ATP9B: variants seen among roughly 807,000 people sequenced by gnomAD.
The protein encoded by ATP9B is probable phospholipid-transporting ATPase IIB.
A neutral mutation model predicts 146.1 loss-of-function variants in ATP9B; 110 were observed. The observed-to-expected ratio is 0.75, with a 90% CI of 0.65 to 0.88. ATP9B has a LOEUF of 0.88. ATP9B is among the 40% of genes least tolerant of loss of function. The probability of loss-of-function intolerance (pLI) is 0.00; values close to 1 mark genes in which losing one functional copy is unlikely to be tolerated. For missense variants in ATP9B, 1,499 were observed against 1,496.4 expected (o/e 1.00, Z -0.03); for synonymous variants, 604 against 569.7 (o/e 1.06, Z -0.86).
intron 1 of ATP9B, chr18:79,086,017 A>G (rs912001940): frequency 2.0e-5 from 3 of 147,364 alleles, no homozygotes; most frequent in African/African-American, 7.5e-5. Context: ...ATGTTTCACA[A>G]TTGAAAAGCC....
At chr18:79,362,503 A>C (rs2096995931) in intron 26 of ATP9B, 1 of 152,228 alleles carries the variant, frequency 6.6e-6, no homozygotes, top group Non-Finnish European at 1.5e-5. Context: ...TGAAGCTCAA[A>C]TTCTGCTTTG....
Position 79,319,750 on chromosome 18 carries a change from G to T in ATP9B, c.1774-9391G>T, listed in dbSNP as rs534384375. The stretch of plus-strand genomic sequence containing the variant: ...CTAGTTCCTCGGGATTAAACTGATT[G>T]TAGAGGTGATGCATGTATGTGATTC... On this transcript the variant is annotated intron_variant, in intron 15 of 29. Coordinates refer to ENST00000426216, the MANE Select transcript of ATP9B (RefSeq NM_198531.5). Among the ~76,000 whole-genome samples, 28 of 152,328 alleles carry T rather than the reference G, an allele frequency of 1.8e-4. 1 individual carries two copies. In the South Asian group the frequency reaches 5.8e-3, roughly 32 times the overall value.
chr18:79,185,391 C>A (rs1200178725), intron 8 of ATP9B, among the ~76,000 whole-genome samples: 1 of 151,980 alleles, frequency 6.6e-6, no homozygotes, highest in East Asian at 1.9e-4. Flanking sequence ...CATATAAATT[C>A]AAAAATATGT....
chr18:79,140,100 GC>G (rs1477432584), intron 5 of ATP9B, among the ~76,000 whole-genome samples: 2 of 152,076 alleles, frequency 1.3e-5, no homozygotes, highest in East Asian at 3.9e-4. Context: ...GGTTAGACTT[GC>G]TGTGTCATTA....
chr18:79,350,986 G>T (rs1475475882), intron 25 of ATP9B, among the ~76,000 whole-genome samples: 2 of 152,006 alleles, frequency 1.3e-5, no homozygotes, highest in Non-Finnish European at 2.9e-5. Context: ...GACCAGGGTG[G>T]TCTCGAACTC....
intron 13 of ATP9B, among the ~76,000 whole-genome samples, chr18:79,290,331 TC>T (rs953009749): frequency 1.4e-4 from 21 of 152,162 alleles, no homozygotes; most frequent in African/African-American, 4.3e-4. Context: ...CGGGCGCCCC[TC>T]CCCCAGCCTT....
intron 5 of ATP9B, among the ~76,000 whole-genome samples, chr18:79,127,257 T>C (rs1210346179): frequency 2.0e-5 from 3 of 152,222 alleles, no homozygotes; most frequent in African/African-American, 7.2e-5. Flanking sequence ...GGTGTATTCA[T>C]AAAGTTGTGC....
intron 9 of ATP9B, among the ~76,000 whole-genome samples, chr18:79,195,402 A>G (rs1487921892): frequency 2.0e-5 from 3 of 152,200 alleles, no homozygotes; most frequent in South Asian, 2.1e-4. Flanking sequence ...CATGAGAGCC[A>G]TCGTGCCTGG....
intron 7 of ATP9B, among the ~76,000 whole-genome samples, chr18:79,158,589 G>A (rs2094831057): frequency 6.6e-6 from 1 of 152,026 alleles, no homozygotes; most frequent in Non-Finnish European, 1.5e-5. Context: ...CACCTTATCT[G>A]GCCTGATTCA....
At chr18:79,234,668 C>G (rs114899271) in intron 11 of ATP9B, among the ~76,000 whole-genome samples, 1 of 145,318 alleles carries the variant, frequency 6.9e-6, no homozygotes, top group African/African-American at 2.7e-5. Flanking sequence ...TGGGTGTGCT[C>G]CTGTGGGTGT....
intron 9 of ATP9B, among the ~76,000 whole-genome samples, chr18:79,204,163 A>G (rs963005262): frequency 1.3e-5 from 2 of 152,240 alleles, no homozygotes; most frequent in African/African-American, 4.8e-5. Flanking sequence ...AACAAAGTAA[A>G]CAAAAGGCAG....
At chr18:79,193,924 A>G (rs1460680120) in intron 9 of ATP9B, among the ~76,000 whole-genome samples, 1 of 152,224 alleles carries the variant, frequency 6.6e-6, no homozygotes, top group Non-Finnish European at 1.5e-5. Context: ...GGGATTGGCA[A>G]GCAGTTGTCA....
At chr18:79,183,065 C>G (rs1165918354) in intron 8 of ATP9B, among the ~76,000 whole-genome samples, 1 of 152,152 alleles carries the variant, frequency 6.6e-6, no homozygotes, top group African/African-American at 2.4e-5. Flanking sequence ...CTTCCCCTAG[C>G]CACATTCTTG....
At chr18:79,157,404 A>AAAAAAAAAAAAAC (rs1568296935) in intron 7 of ATP9B, among the ~76,000 whole-genome samples, 5 of 144,264 alleles carry the variant, frequency 3.5e-5, no homozygotes, top group South Asian at 5.0e-4. Context: ...CTCAAAAAAA[A>AAAAAAAAAAAAAC]AAAAAAAAAA....
At chr18:79,327,638 C>G (rs111788550) in intron 15 of ATP9B, among the ~76,000 whole-genome samples, 32,765 of 44,422 alleles carry the variant, frequency 0.74, 13,938 homozygotes, top group East Asian at 0.96. Context: ...TGTGCCCTCC[C>G]TGGTTAGCAT....
chr18:79,261,549 AC>A (rs2096141864), intron 12 of ATP9B, among the ~76,000 whole-genome samples: 4 of 151,810 alleles, frequency 2.6e-5, no homozygotes, highest in African/African-American at 9.7e-5. Flanking sequence ...CACCCTCCAC[AC>A]CCCACCACCC....
At chr18:79,173,709 C>T in intron 7 of ATP9B, 3 of 456,012 alleles carry the variant, frequency 6.6e-6, no homozygotes, top group South Asian at 4.6e-5. Context: ...CAGTATCAAA[C>T]AATCTTGATT....
chr18:79,349,522 C>T (rs1215558011), intron 25 of ATP9B, among the ~76,000 whole-genome samples: 1 of 152,222 alleles, frequency 6.6e-6, no homozygotes, highest in African/African-American at 2.4e-5. Flanking sequence ...GAAACAGAGT[C>T]CTTTCTCCCT....
At chr18:79,108,668 A>G (rs2075813152) in intron 2 of ATP9B, among the ~76,000 whole-genome samples, 2 of 152,182 alleles carry the variant, frequency 1.3e-5, no homozygotes, top group Non-Finnish European at 2.9e-5. Context: ...GCACTGCTTA[A>G]GGGAGCAGTG....
Sources: allele counts gnomAD v4.1 joint callset (sites outside exome capture counted in the v4.1 genomes callset), GRCh38; gene constraint gnomAD v4.1.1; transcripts MANE v1.5; gene names NCBI Gene and HGNC (gene_info 2026-07-23, HGNC 2026-07-21).